OSBPL8: variants seen among roughly 807,000 people sequenced by gnomAD.
The protein encoded by OSBPL8 is oxysterol binding protein like 8.
A neutral mutation model predicts 125.5 loss-of-function variants in OSBPL8; 59 were observed. The ratio of observed to expected loss-of-function variants is 0.47; its 90% CI spans 0.38 to 0.58. OSBPL8 has a LOEUF of 0.58. Ranked by LOEUF, OSBPL8 falls within the 20% of genes least tolerant of loss-of-function variation. OSBPL8 has a pLI of 0.00. For synonymous variants in OSBPL8, 330 were observed against 338.9 expected (o/e 0.97, Z 0.29); for missense variants, 758 against 1,047.8 (o/e 0.72, Z 3.82).
chr12:76,483,682 T>G (rs1877806782), intron 2 of OSBPL8, among the ~76,000 whole-genome samples: 1 of 110,938 alleles, frequency 9.0e-6, no homozygotes. Flanking sequence ...TTTTTTTTTT[T>G]TTTTTTTTTG....
chr12:76,522,311 GA>G lies in OSBPL8; in HGVS notation c.-67-34694del, dbSNP rs374550582. On this transcript the variant is annotated intron_variant, in intron 1 of 23. Transcript: ENST00000261183. ...AGTTCTTCAATAAAATCCAAAAAAT[GA>G]AAAAAAAAAAAGTGATATGATGCTA... Among the ~76,000 whole-genome samples, 546 of 141,214 alleles carry G rather than the reference GA, an allele frequency of 3.9e-3. 3 individuals carry two copies. Among genetic ancestry groups the G allele is most frequent in the African/African-American group, 1.0e-2 (386 of 38,662 alleles). The allele number at this position is 141,214 out of a possible 152,430, so 92.6% of individuals were successfully genotyped here. A position where few individuals can be genotyped will look rare whatever the true frequency, so the allele number is the denominator to read the frequency against.
intron 15 of OSBPL8, among the ~76,000 whole-genome samples, chr12:76,380,621 C>T (rs969068425): frequency 6.6e-6 from 1 of 150,926 alleles, no homozygotes; most frequent in African/African-American, 2.4e-5. Context: ...ATCTTGAGAC[C>T]TTACTAAATT....
intron 4 of OSBPL8, among the ~76,000 whole-genome samples, chr12:76,417,090 CTCT>C (rs1212185603): frequency 6.6e-6 from 1 of 152,196 alleles, no homozygotes; most frequent in Non-Finnish European, 1.5e-5. Flanking sequence ...AAATCTCTCT[CTCT>C]TCTTAACTCC....
At position 76,387,487 on chromosome 12, in the gene OSBPL8, C is replaced by T. The variant is rs1458661815; in HGVS notation, c.1353-827G>A. Among the ~76,000 whole-genome samples the T allele has an allele frequency of 2.0e-5, 3 of 152,090 alleles. No individual in the cohort carries two copies. In the East Asian group the frequency reaches 5.8e-4, roughly 29 times the overall value. On this transcript the variant is annotated intron_variant, in intron 12 of 23. Transcript: ENST00000261183. ...ATTTTAAAGAAGAAATTTGTAGGAG[C>T]CATGACTCAGCTGCCCTCCATACAA... is the stretch of plus-strand genomic sequence containing the variant.
intron 3 of OSBPL8, among the ~76,000 whole-genome samples, chr12:76,453,373 T>C (rs1353314616): frequency 6.6e-6 from 1 of 152,214 alleles, no homozygotes; most frequent in East Asian, 1.9e-4. Flanking sequence ...TAATTTTAAA[T>C]GTATGGTACT....
chr12:76,442,329 G>A (rs1403686114), intron 4 of OSBPL8, among the ~76,000 whole-genome samples: 2 of 152,000 alleles, frequency 1.3e-5, no homozygotes, highest in Non-Finnish European at 2.9e-5. Flanking sequence ...TTTAAAAAAC[G>A]ATTTCATTTT....
intron 1 of OSBPL8, among the ~76,000 whole-genome samples, chr12:76,522,437 A>T (rs373757849): frequency 2.6e-5 from 4 of 152,004 alleles, no homozygotes; most frequent in African/African-American, 9.7e-5. Context: ...AGGTGTTAGG[A>T]TCATGGGGGC....
At chr12:76,547,747 T>A (rs528296738) in intron 1 of OSBPL8, among the ~76,000 whole-genome samples, 6 of 152,314 alleles carry the variant, frequency 3.9e-5, no homozygotes, top group Non-Finnish European at 7.4e-5. Flanking sequence ...AAAGCTAAAA[T>A]GCCATTCCCT....
chr12:76,466,757 G>C (rs141403167), intron 2 of OSBPL8, among the ~76,000 whole-genome samples: 21 of 152,030 alleles, frequency 1.4e-4, no homozygotes, highest in Non-Finnish European at 2.8e-4. Context: ...TCAGGAGTTC[G>C]AGAACAGCCT....
chr12:76,436,465 A>AC (rs774863294), intron 4 of OSBPL8, among the ~76,000 whole-genome samples: 112 of 149,702 alleles, frequency 7.5e-4, no homozygotes, highest in East Asian at 1.4e-3. Context: ...GTAAAATTCC[A>AC]CCCCCCCGCC....
chr12:76,501,935 A>G (rs1879942594), intron 1 of OSBPL8, among the ~76,000 whole-genome samples: 1 of 152,222 alleles, frequency 6.6e-6, no homozygotes, highest in South Asian at 2.1e-4. Context: ...TGCCTCATCT[A>G]CCATAATAGT....
chr12:76,464,794 G>T (rs1399008045), intron 2 of OSBPL8, among the ~76,000 whole-genome samples: 1 of 152,176 alleles, frequency 6.6e-6, no homozygotes, highest in Non-Finnish European at 1.5e-5. Flanking sequence ...AGCTCATCAA[G>T]CACTGATGTA....
intron 1 of OSBPL8, among the ~76,000 whole-genome samples, chr12:76,491,318 C>T (rs1419977638): frequency 6.6e-6 from 1 of 152,128 alleles, no homozygotes; most frequent in East Asian, 1.9e-4. Context: ...TCAGAGGTCT[C>T]GGATAACCTC....
chr12:76,490,571 T>C (rs1439583772), intron 1 of OSBPL8, among the ~76,000 whole-genome samples: 1 of 152,230 alleles, frequency 6.6e-6, no homozygotes, highest in Admixed American at 6.5e-5. Context: ...CCATCCCCTT[T>C]TCAGCTCCCC....
intron 2 of OSBPL8, among the ~76,000 whole-genome samples, chr12:76,462,850 A>C (rs999837351): frequency 1.3e-5 from 2 of 152,210 alleles, no homozygotes; most frequent in African/African-American, 4.8e-5. Context: ...CAGGATTATG[A>C]TGCAAGCAAG....
intron 4 of OSBPL8, among the ~76,000 whole-genome samples, chr12:76,419,569 T>C (rs1869206726): frequency 6.6e-6 from 1 of 152,136 alleles, no homozygotes; most frequent in South Asian, 2.1e-4. Context: ...GTTTCTCCAA[T>C]GGGGAAAGGC....
intron 15 of OSBPL8, among the ~76,000 whole-genome samples, chr12:76,381,574 C>T (rs1239370172): frequency 6.6e-6 from 1 of 152,044 alleles, no homozygotes; most frequent in Non-Finnish European, 1.5e-5. Flanking sequence ...TTATGTTATC[C>T]TGACGTACTG....
chr12:76,468,998 C>T (rs747855438), intron 2 of OSBPL8, among the ~76,000 whole-genome samples: 13 of 152,294 alleles, frequency 8.5e-5, no homozygotes, highest in Non-Finnish European at 1.6e-4. Flanking sequence ...TCAGGTCTAG[C>T]ACAATCTTAC....
At chr12:76,419,610 C>T (rs2136482363) in intron 4 of OSBPL8, among the ~76,000 whole-genome samples, 1 of 152,052 alleles carries the variant, frequency 6.6e-6, no homozygotes, top group East Asian at 1.9e-4. Flanking sequence ...AAGACTGAAG[C>T]AAGACAGTGC....
Sources: allele counts gnomAD v4.1 joint callset (sites outside exome capture counted in the v4.1 genomes callset), GRCh38; gene constraint gnomAD v4.1.1; transcripts MANE v1.5; gene names NCBI Gene and HGNC (gene_info 2026-07-23, HGNC 2026-07-21).